DCC: variants seen among roughly 807,000 people sequenced by gnomAD.
The protein encoded by DCC is DCC netrin 1 receptor, also known as netrin receptor DCC.
DCC carries 58 observed loss-of-function variants against 172.5 expected under a neutral mutation model. That is an observed-to-expected ratio of 0.34 (90% CI 0.27 to 0.42). DCC has a LOEUF of 0.42. DCC is among the 10% of genes least tolerant of loss of function. The probability of loss-of-function intolerance (pLI) is 1.00; values close to 1 mark genes in which losing one functional copy is unlikely to be tolerated. For synonymous variants in DCC, 709 were observed against 644.5 expected, an observed-to-expected ratio of 1.10 and a Z score of -1.52; for missense variants, 1,740 against 1,791.0, an observed-to-expected ratio of 0.97 and a Z score of 0.51.
rs1288473167 is a variant in DCC, at chr18:52,759,877, C to G, written c.412+7503C>G. ...TAACTTTCAGAAATGAAGACCCAAA[C>G]CCCTAGGGAAAGCTTTATATTTTTA... On this transcript the variant is annotated intron_variant, in intron 2 of 28. Transcript: ENST00000442544. Among the ~76,000 whole-genome samples the G allele has an allele frequency of 3.9e-5, 6 of 152,098 alleles. No homozygotes were observed. In the South Asian group the frequency reaches 1.2e-3, roughly 32 times the overall value.
chr18:52,878,856 A>G (rs1378051121), intron 2 of DCC, among the ~76,000 whole-genome samples: 1 of 152,222 alleles, frequency 6.6e-6, no homozygotes, highest in Non-Finnish European at 1.5e-5. Flanking sequence ...AATATATTTG[A>G]TACTTGAGAA....
intron 16 of DCC, among the ~76,000 whole-genome samples, chr18:53,390,748 G>T (rs570532794): frequency 1.3e-5 from 2 of 152,078 alleles, no homozygotes; most frequent in African/African-American, 2.4e-5. Flanking sequence ...ACATCATTTT[G>T]CAGATTCCCA....
At chr18:53,169,201 G>A (rs1232992778) in intron 8 of DCC, among the ~76,000 whole-genome samples, 1 of 152,178 alleles carries the variant, frequency 6.6e-6, no homozygotes, top group Non-Finnish European at 1.5e-5. Flanking sequence ...TCTCAGTAAA[G>A]CAGGAACATT....
At chr18:52,606,124 G>A (rs548477174) in intron 1 of DCC, among the ~76,000 whole-genome samples, 2 of 152,108 alleles carry the variant, frequency 1.3e-5, no homozygotes, top group African/African-American at 2.4e-5. Flanking sequence ...TTTTCTAGAA[G>A]TCAGTGTGAA....
intron 1 of DCC, among the ~76,000 whole-genome samples, chr18:52,730,432 T>C (rs972815057): frequency 2.6e-5 from 4 of 152,208 alleles, no homozygotes; most frequent in Admixed American, 2.6e-4. Context: ...CCTTTTCTTT[T>C]TTTCTTATTG....
intron 12 of DCC, among the ~76,000 whole-genome samples, chr18:53,221,734 C>T (rs1353805293): frequency 6.6e-6 from 1 of 151,806 alleles, no homozygotes; most frequent in Non-Finnish European, 1.5e-5. Flanking sequence ...AGAAATAAAA[C>T]AGTTTTCCAT....
In DCC at chr18:52,910,247, T is replaced by TA. The variant is rs147819886; in HGVS notation, c.697+3920dup. 5.1e-4 allele frequency among the ~76,000 whole-genome samples: 78 copies of TA among 152,226 alleles called. 1 individual carries two copies. In the East Asian group the frequency reaches 0.014, roughly 28 times the overall value. ...AATCCAGACTCTGACAGAAGCTGGT[T>TA]AGTAGCATTTTTCATTGAGACTGGA... On this transcript the variant is annotated intron_variant, in intron 3 of 28. Transcript: ENST00000442544.
At chr18:53,429,408 T>C (rs1196977573) in intron 21 of DCC, among the ~76,000 whole-genome samples, 3 of 115,990 alleles carry the variant, frequency 2.6e-5, no homozygotes, top group Non-Finnish European at 6.5e-5. Context: ...TGTATCCTGG[T>C]ATTTTTTTTG....
chr18:53,211,908 T>G (rs2055759334), intron 11 of DCC, among the ~76,000 whole-genome samples: 1 of 150,622 alleles, frequency 6.6e-6, no homozygotes, highest in South Asian at 2.1e-4. Context: ...GTTAGCCAGG[T>G]ATGGTGGTGC....
chr18:53,164,382 A>G (rs1403133426), intron 8 of DCC, among the ~76,000 whole-genome samples: 1 of 152,130 alleles, frequency 6.6e-6, no homozygotes, highest in African/African-American at 2.4e-5. Flanking sequence ...AGTAGCTAGG[A>G]CTACAGGTGC....
intron 2 of DCC, among the ~76,000 whole-genome samples, chr18:52,805,968 T>C (rs1332342288): frequency 6.6e-6 from 1 of 152,196 alleles, no homozygotes; most frequent in Non-Finnish European, 1.5e-5. Flanking sequence ...TTAGATACAT[T>C]TGAAGGAGAC....
chr18:52,856,829 A>G (rs1245946802), intron 2 of DCC, among the ~76,000 whole-genome samples: 1 of 152,148 alleles, frequency 6.6e-6, no homozygotes, highest in African/African-American at 2.4e-5. Flanking sequence ...GCATGACTCT[A>G]AAACATGCTC....
chr18:53,521,334 A>T (rs976269398), intron 27 of DCC, among the ~76,000 whole-genome samples: 1 of 152,118 alleles, frequency 6.6e-6, no homozygotes, highest in Non-Finnish European at 1.5e-5. Flanking sequence ...GTCTTTAGGC[A>T]TGTCCATGCC....
At chr18:52,477,076 C>T (rs965670178) in intron 1 of DCC, among the ~76,000 whole-genome samples, 4 of 152,262 alleles carry the variant, frequency 2.6e-5, no homozygotes, top group Admixed American at 2.6e-4. Context: ...TTTTCATCCT[C>T]TGGCTGCTCC....
intron 1 of DCC, among the ~76,000 whole-genome samples, chr18:52,467,555 A>G (rs1407161855): frequency 1.3e-5 from 2 of 152,180 alleles, no homozygotes; most frequent in African/African-American, 4.8e-5. Flanking sequence ...TCCTTTGGGT[A>G]TATACCCAAT....
chr18:53,339,883 C>A lies in DCC; in HGVS notation c.2335C>A (p.Arg779=), dbSNP rs2057636042. Residue 779 remains arginine (R), a synonymous_variant, in exon 15 of 29, where the codon CGA becomes AGA. Coordinates refer to ENST00000442544, the MANE Select transcript of DCC (RefSeq NM_005215.4). ...GACAGTGCGTGTGGACAGCAAGCAG[C>A]GATATTATTCCATTGAGAGGTTAGG... is the stretch of plus-strand genomic sequence containing the variant. ...AETVRVDSKQ[R]YYSIERLESS... 1 of 1,613,452 alleles carries A rather than the reference C, an allele frequency of 6.2e-7. No homozygotes were observed. The highest frequency in any genetic ancestry group is 8.5e-7 in the Non-Finnish European group (1 of 1,179,704).
intron 23 of DCC, among the ~76,000 whole-genome samples, chr18:53,456,040 A>T (rs1043446620): frequency 3.3e-5 from 5 of 152,216 alleles, no homozygotes; most frequent in African/African-American, 1.2e-4. Context: ...CTGAATTATC[A>T]CAAAGGGAGC....
At chr18:52,828,862 C>T (rs984961969) in intron 2 of DCC, among the ~76,000 whole-genome samples, 14 of 152,136 alleles carry the variant, frequency 9.2e-5, no homozygotes, top group Non-Finnish European at 2.1e-4. Flanking sequence ...TAAATGTTTT[C>T]CCACTTACAA....
At chr18:53,225,895 G>T (rs1052384874) in intron 12 of DCC, among the ~76,000 whole-genome samples, 1 of 152,086 alleles carries the variant, frequency 6.6e-6, no homozygotes, top group Non-Finnish European at 1.5e-5. Context: ...GGGTCAGGGG[G>T]ATTAATAGTT....
Sources: gnomAD v4.1 joint callset for allele counts (sites outside exome capture counted in the v4.1 genomes callset) on GRCh38, gnomAD v4.1.1 for gene constraint, MANE v1.5 for transcripts, NCBI Gene and HGNC (gene_info 2026-07-23, HGNC 2026-07-21) for gene names.